Variants in SH3KBP1 observed in about 807,000 individuals in gnomAD.
The protein encoded by SH3KBP1 is SH3 domain containing kinase binding protein 1, also known as SH3 domain-containing kinase-binding protein 1.
Under a neutral mutation model 50.1 loss-of-function variants are expected in SH3KBP1, and 8 were observed. The observed-to-expected ratio is 0.16, with a 90% CI of 0.09 to 0.29. The LOEUF (loss-of-function observed/expected upper bound fraction) is 0.29. Ranked by LOEUF, SH3KBP1 falls within the 10% of genes least tolerant of loss-of-function variation. The pLI is 1.00. For synonymous variants in SH3KBP1, 227 were observed against 218.6 expected (o/e 1.04, Z -0.34); for missense variants, 377 against 535.2 (o/e 0.70, Z 2.92).
chrX:19,793,315 T>A (rs6629362), intron 2 of SH3KBP1, among the ~76,000 whole-genome samples: 15,818 of 86,343 alleles, frequency 0.18, 1,208 homozygotes, highest in African/African-American at 0.24. Context: ...GAAAAAAAAA[T>A]ATATATATAT....
intron 2 of SH3KBP1, among the ~76,000 whole-genome samples, chrX:19,793,313 A>AATATATAT (rs777838672): frequency 1.6e-4 from 16 of 96,985 alleles, no homozygotes; most frequent in Non-Finnish European, 2.2e-4. Context: ...AGGAAAAAAA[A>AATATATAT]ATATATATAT....
intron 2 of SH3KBP1, among the ~76,000 whole-genome samples, chrX:19,768,454 G>T (rs1318461013): frequency 1.0e-5 from 1 of 98,268 alleles, no homozygotes; most frequent in East Asian, 3.2e-4. Flanking sequence ...ACCACTCAGG[G>T]GGAGGCTAAA....
intron 1 of SH3KBP1, among the ~76,000 whole-genome samples, chrX:19,854,489 G>A (rs986219242): frequency 2.7e-5 from 3 of 111,916 alleles, no homozygotes; most frequent in Admixed American, 9.5e-5. Context: ...CTACGAGAGC[G>A]ATGTGCCTAC....
chrX:19,739,490 C>T (rs1229015858), intron 3 of SH3KBP1, among the ~76,000 whole-genome samples: 2 of 110,669 alleles, frequency 1.8e-5, no homozygotes, highest in African/African-American at 6.6e-5. Flanking sequence ...TTTTGGCATA[C>T]ATACCTACAG....
chrX:19,605,078 G>A (rs1407105895), intron 9 of SH3KBP1, among the ~76,000 whole-genome samples: 1 of 111,119 alleles, frequency 9.0e-6, no homozygotes, highest in African/African-American at 3.3e-5. Flanking sequence ...CACTCTCCTG[G>A]TGGAAGTGCT....
At chrX:19,668,691 A>G (rs1316877823) in intron 6 of SH3KBP1, among the ~76,000 whole-genome samples, 6 of 101,314 alleles carry the variant, frequency 5.9e-5, no homozygotes, top group African/African-American at 2.1e-4. Context: ...CCCTACTAAA[A>G]ATACAAAAAT....
At chrX:19,538,563 TTTTATTTA>T (rs200891455) in intron 16 of SH3KBP1, among the ~76,000 whole-genome samples, 2 of 105,830 alleles carry the variant, frequency 1.9e-5, no homozygotes, top group East Asian at 2.9e-4. Flanking sequence ...ATTTCCTTTA[TTTTATTTA>T]TTTATTTATT....
chrX:19,673,161 C>G (rs1035059347), intron 6 of SH3KBP1, among the ~76,000 whole-genome samples: 1 of 109,816 alleles, frequency 9.1e-6, no homozygotes, highest in African/African-American at 3.3e-5. Flanking sequence ...TGTGGGAACT[C>G]TATTATCTTC....
chrX:19,857,713 T>G (rs746984036), intron 1 of SH3KBP1, among the ~76,000 whole-genome samples: 8 of 109,407 alleles, frequency 7.3e-5, no homozygotes, highest in Admixed American at 2.9e-4. Flanking sequence ...CAGAGCAAGA[T>G]TCTGTTAAAA....
chrX:19,542,308 C>T, intron 15 of SH3KBP1, 115 bp from the exon 16 acceptor site: 1 of 758,013 alleles, frequency 1.3e-6, no homozygotes, highest in Non-Finnish European at 1.8e-6. Flanking sequence ...TCCACACACT[C>T]CATTCACTTG....
chrX:19,852,044 T>A (rs970755766), intron 1 of SH3KBP1, among the ~76,000 whole-genome samples: 1 of 111,628 alleles, frequency 9.0e-6, no homozygotes, highest in Non-Finnish European at 1.9e-5. Flanking sequence ...GGCAGGCTGG[T>A]GACCACTTTG....
chrX:19,709,727 T>A (rs2063733447), intron 3 of SH3KBP1, among the ~76,000 whole-genome samples: 1 of 111,904 alleles, frequency 8.9e-6, no homozygotes, highest in South Asian at 3.7e-4. Context: ...TGTCACTGAT[T>A]TGAATTTGTT....
rs16981209 is a variant in SH3KBP1 at position 19,536,177 on chromosome X, T to G, written c.*240A>C. 0.019 allele frequency: 4,982 copies of G among 268,589 alleles called. 175 individuals carry two copies. Among genetic ancestry groups the G allele is most frequent in the African/African-American group, 0.11 (3,950 of 35,772 alleles). 22.1% of individuals were successfully genotyped at this position (268,589 alleles called of 1,213,427 possible). A position where few individuals can be genotyped will look rare whatever the true frequency, so the allele number is the denominator to read the frequency against. On this transcript the variant is annotated 3_prime_UTR_variant, in exon 18 of 18. Transcript: ENST00000397821. ...TTGAGATCTCAGAGTAGAAAAGCCT[T>G]TAGCACAATTTTGCTCTGTGTAAGT...
chrX:19,858,105 G>A (rs2068696164), intron 1 of SH3KBP1, among the ~76,000 whole-genome samples: 1 of 111,205 alleles, frequency 9.0e-6, no homozygotes, highest in African/African-American at 3.3e-5. Flanking sequence ...CTTGAACCCA[G>A]GAGGCAGAGG....
chrX:19,668,953 TA>T (rs1569404759), intron 6 of SH3KBP1, among the ~76,000 whole-genome samples: 18 of 62,802 alleles, frequency 2.9e-4, no homozygotes, highest in African/African-American at 1.7e-3. Flanking sequence ...TATATATATA[TA>T]TATATATATA....
rs1207627700 is a variant in SH3KBP1 at position 19,735,728 on chromosome X, G to C, written c.286+10590C>G. ...ACTGAGACTCCTTTTTTTTGGCGGG[G>C]GGGGGGGGTGGGGGGGACGGATTCT... On this transcript the variant is annotated intron_variant, in intron 3 of 17. Coordinates refer to ENST00000397821, the MANE Select transcript of SH3KBP1 (RefSeq NM_031892.3). Among the ~76,000 whole-genome samples the C allele has an allele frequency of 5.4e-5, 4 of 73,874 alleles. No individual in the cohort carries two copies. In the Admixed American group the frequency reaches 5.8e-4, roughly 11 times the overall value. 64.2% of individuals were successfully genotyped at this position (73,874 alleles called of 115,157 possible). A position where few individuals can be genotyped will look rare whatever the true frequency, so the allele number is the denominator to read the frequency against.
intron 9 of SH3KBP1, among the ~76,000 whole-genome samples, chrX:19,599,788 G>A (rs112513581): frequency 0.015 from 1,650 of 111,614 alleles, 13 homozygotes; most frequent in South Asian, 0.034. Flanking sequence ...CTATGCGGCT[G>A]TAGACTGTCC....
intron 12 of SH3KBP1, among the ~76,000 whole-genome samples, chrX:19,581,695 C>T (rs5955819): frequency 0.064 from 7,038 of 109,801 alleles, 267 homozygotes; most frequent in Middle Eastern, 0.15. Context: ...TTAAGTTGGT[C>T]CCAAGAGAGA....
intron 2 of SH3KBP1, among the ~76,000 whole-genome samples, chrX:19,761,255 G>GGA (rs772984496): frequency 1.1e-5 from 1 of 87,571 alleles, no homozygotes; most frequent in Non-Finnish European, 2.3e-5. Flanking sequence ...AGAGAGGGAG[G>GGA]GAGAGAGAGA....
Sources: allele counts gnomAD v4.1 joint callset (sites outside exome capture counted in the v4.1 genomes callset), GRCh38; gene constraint gnomAD v4.1.1; transcripts MANE v1.5; gene names NCBI Gene and HGNC (gene_info 2026-07-23, HGNC 2026-07-21).